Variants in EPB41L5 observed in about 807,000 individuals in gnomAD.
EPB41L5 encodes the protein erythrocyte membrane protein band 4.1 like 5.
EPB41L5 carries 55 observed loss-of-function variants against 106.6 expected under a neutral mutation model. The ratio of observed to expected loss-of-function variants is 0.52; its 90% confidence interval spans 0.42 to 0.65. EPB41L5 has a LOEUF of 0.65. Among genes scored for constraint, EPB41L5 ranks in the 30% least tolerant of loss-of-function variants. EPB41L5 has a pLI of 0.00. For synonymous variants in EPB41L5, 297 were observed against 306.7 expected (o/e 0.97, Z 0.33); for missense variants, 871 against 882.1 (o/e 0.99, Z 0.16).
At chr2:120,158,824 C>G (rs1214385178) in intron 20 of EPB41L5, among the ~76,000 whole-genome samples, 3 of 152,152 alleles carry the variant, frequency 2.0e-5, no homozygotes, top group Non-Finnish European at 4.4e-5. Flanking sequence ...CGACATGATT[C>G]TATATCTAGA....
At chr2:120,110,411 T>C (rs1191026159) in intron 16 of EPB41L5, among the ~76,000 whole-genome samples, 1 of 152,248 alleles carries the variant, frequency 6.6e-6, no homozygotes, top group Admixed American at 6.5e-5. Context: ...ATTATGGTTT[T>C]AAATGCTATC....
chr2:120,132,419 T>G (rs181166810), intron 18 of EPB41L5, among the ~76,000 whole-genome samples: 4 of 152,296 alleles, frequency 2.6e-5, no homozygotes, highest in Admixed American at 2.0e-4. Flanking sequence ...TGTTTTTGTT[T>G]TAAAGAGGAA....
At chr2:120,093,482 C>T (rs1683549588) in intron 14 of EPB41L5, among the ~76,000 whole-genome samples, 1 of 152,044 alleles carries the variant, frequency 6.6e-6, no homozygotes, top group Admixed American at 6.5e-5. Flanking sequence ...AGAATGGGGT[C>T]GAGGCAGATG....
At chr2:120,096,298 C>A (rs1683748816) in intron 14 of EPB41L5, among the ~76,000 whole-genome samples, 1 of 151,944 alleles carries the variant, frequency 6.6e-6, no homozygotes, top group South Asian at 2.1e-4. Context: ...GCTTTCTGAA[C>A]AAGGACTCCC....
intron 17 of EPB41L5, among the ~76,000 whole-genome samples, chr2:120,130,143 C>CA (rs11379919): frequency 0.68 from 75,007 of 110,242 alleles, 24,677 homozygotes; most frequent in Middle Eastern, 0.8. Flanking sequence ...GACTCCATCT[C>CA]AAAAAAAAAA....
intron 18 of EPB41L5, among the ~76,000 whole-genome samples, chr2:120,136,272 A>G (rs1685920370): frequency 6.6e-6 from 1 of 151,748 alleles, no homozygotes; most frequent in Non-Finnish European, 1.5e-5. Context: ...ACACAAAGAA[A>G]TAAAAAGCAA....
chr2:120,135,292 G>T (rs530879545), intron 18 of EPB41L5, among the ~76,000 whole-genome samples: 4 of 152,198 alleles, frequency 2.6e-5, no homozygotes, highest in Admixed American at 1.3e-4. Flanking sequence ...ACTCCTAGAA[G>T]ATCTAGAGTA....
At chr2:120,093,138 G>A in intron 13 of EPB41L5, 111 bp from the exon 14 acceptor site, 1 of 893,712 alleles carries the variant, frequency 1.1e-6, no homozygotes, top group Non-Finnish European at 1.9e-6. Flanking sequence ...ATAAATTTAT[G>A]GTTGTGAAAC....
At position 120,042,017 on chromosome 2, in the gene EPB41L5, A is replaced by C; in HGVS notation, c.192A>C (p.Lys64Asn). The change falls in exon 3 of 25, where the codon AAA becomes AAC. Residue 64 changes from lysine to asparagine, a missense_variant. Coordinates refer to ENST00000263713, the MANE Select transcript of EPB41L5 (RefSeq NM_020909.4). ...DVSVDLPKKAKGQELFDQIMY... is the reference protein window; with the variant it reads ...DVSVDLPKKANGQELFDQIMY... ...TCTTGCCATTTCAGAAAAAAGCCAA[A>C]GGACAAGAGTTGTTTGATCAGATTA... 6.2e-7 allele frequency: 1 copy of C among 1,607,622 alleles called. No homozygotes were observed. The highest frequency in any genetic ancestry group is 8.5e-7 in the Non-Finnish European group (1 of 1,176,850).
At chr2:120,069,257 C>T (rs902636727) in intron 3 of EPB41L5, among the ~76,000 whole-genome samples, 2 of 150,502 alleles carry the variant, frequency 1.3e-5, no homozygotes, top group Non-Finnish European at 2.9e-5. Context: ...AAGGGATCAA[C>T]GCAACAAGAA....
intron 15 of EPB41L5, 48 bp from the exon 16 acceptor site, chr2:120,100,651 A>C (rs149086238): frequency 1.5e-6 from 2 of 1,313,016 alleles, no homozygotes; most frequent in East Asian, 2.3e-5. Flanking sequence ...TGGTGAAGAG[A>C]TCTGTTATCG....
chr2:120,030,644 C>T (rs546513754), intron 2 of EPB41L5, among the ~76,000 whole-genome samples: 2 of 152,292 alleles, frequency 1.3e-5, no homozygotes, highest in South Asian at 2.1e-4. Flanking sequence ...ACTCCCGCCT[C>T]CCGGGTTCAA....
intron 3 of EPB41L5, among the ~76,000 whole-genome samples, chr2:120,053,472 A>C (rs1389281655): frequency 3.3e-5 from 5 of 151,744 alleles, no homozygotes; most frequent in African/African-American, 1.2e-4. Flanking sequence ...CCCCAAAGAA[A>C]CCCTCTTACA....
chr2:120,029,174 G>C (rs569693774), intron 2 of EPB41L5, among the ~76,000 whole-genome samples: 1 of 152,098 alleles, frequency 6.6e-6, no homozygotes, highest in African/African-American at 2.4e-5. Flanking sequence ...TGTTGTTGTT[G>C]TTGTTTCTGA....
chr2:120,082,144 A>G (rs903911207), intron 10 of EPB41L5, among the ~76,000 whole-genome samples: 9 of 152,060 alleles, frequency 5.9e-5, no homozygotes, highest in South Asian at 2.1e-4. Flanking sequence ...TTCCAACACT[A>G]TGTTGAATAG....
chr2:120,155,552 T>C (rs1297621616), intron 20 of EPB41L5, among the ~76,000 whole-genome samples: 1 of 152,038 alleles, frequency 6.6e-6, no homozygotes, highest in Non-Finnish European at 1.5e-5. Context: ...ATCAAACCTA[T>C]TGAATTTTCA....
chr2:120,146,848 A>G (rs572378748), intron 20 of EPB41L5, among the ~76,000 whole-genome samples: 1 of 152,314 alleles, frequency 6.6e-6, no homozygotes, highest in African/African-American at 2.4e-5. Context: ...TGAGCAAATA[A>G]ATGCTGTTTC....
chr2:120,114,694 A>G (rs1684871695), intron 16 of EPB41L5, among the ~76,000 whole-genome samples: 1 of 152,158 alleles, frequency 6.6e-6, no homozygotes, highest in Non-Finnish European at 1.5e-5. Flanking sequence ...ATACTTTTGA[A>G]AATTTTTTTA....
chr2:120,014,955 CTT>C (rs1182327982), intron 1 of EPB41L5, among the ~76,000 whole-genome samples: 1 of 129,444 alleles, frequency 7.7e-6, no homozygotes, highest in Non-Finnish European at 1.7e-5. Flanking sequence ...TATGAGAAAA[CTT>C]TTTTCACAAT....
Sources: allele counts gnomAD v4.1 joint callset (sites outside exome capture counted in the v4.1 genomes callset), GRCh38; gene constraint gnomAD v4.1.1; transcripts MANE v1.5; gene names NCBI Gene and HGNC (gene_info 2026-07-23, HGNC 2026-07-21).